Variants in CPLX2 observed in about 807,000 individuals in gnomAD.
CPLX2 encodes complexin-2.
In CPLX2, 5 loss-of-function variants were observed where a neutral mutation model predicts 16.3. The ratio of observed to expected loss-of-function variants is 0.31; its 90% CI spans 0.16 to 0.64. The LOEUF (loss-of-function observed/expected upper bound fraction) is 0.64, where lower values mean the gene tolerates loss of function less well. CPLX2 is among the 30% of genes least tolerant of loss of function. CPLX2 has a pLI of 0.79. For missense variants in CPLX2, 144 were observed against 181.4 expected (o/e 0.79, Z 1.18); for synonymous variants, 89 against 73.2 (o/e 1.22, Z -1.10).
At chr5:175,799,977 C>T (rs890345878) in intron 1 of CPLX2, among the ~76,000 whole-genome samples, 6 of 152,080 alleles carry the variant, frequency 3.9e-5, no homozygotes, top group Admixed American at 3.9e-4. Flanking sequence ...TGGATTTTTG[C>T]CAGCCCTGCT....
chr5:175,798,065 C>T (rs1191640784), intron 1 of CPLX2, among the ~76,000 whole-genome samples: 3 of 152,166 alleles, frequency 2.0e-5, no homozygotes, highest in East Asian at 3.9e-4. Flanking sequence ...GCCTAAAACC[C>T]GGGCTCTCTA....
chr5:175,882,941 G>A lies in CPLX2; in HGVS notation c.*2896G>A, dbSNP rs1755657332. The A allele has an allele frequency of 6.6e-6, 1 of 152,386 alleles. No individual in the cohort carries two copies. Among genetic ancestry groups the A allele is most frequent in the African/African-American group, 2.4e-5 (1 of 41,456 alleles). The allele number at this position is 152,386 out of a possible 1,614,324, so 9.4% of individuals were successfully genotyped here. ...AGAATCCTCACAGGATCGCCTGGGA[G>A]GTGAGGTGTGTGTGACCCACTGGAT... On this transcript the variant is annotated 3_prime_UTR_variant, in exon 4 of 4. Coordinates refer to ENST00000393745, the MANE Select transcript of CPLX2 (RefSeq NM_001008220.2).
intron 2 of CPLX2, among the ~76,000 whole-genome samples, chr5:175,811,028 G>A (rs909472154): frequency 6.6e-6 from 1 of 152,234 alleles, no homozygotes; most frequent in African/African-American, 2.4e-5. Context: ...CCAAGTTGAA[G>A]TCTAGCTGGC....
chr5:175,848,966 C>T (rs1252049504), intron 2 of CPLX2, among the ~76,000 whole-genome samples: 2 of 152,196 alleles, frequency 1.3e-5, no homozygotes, highest in Non-Finnish European at 2.9e-5. Context: ...GAGGAGACGG[C>T]TCAGTTTGCA....
At chr5:175,865,177 C>T (rs899316896) in intron 2 of CPLX2, among the ~76,000 whole-genome samples, 1 of 152,178 alleles carries the variant, frequency 6.6e-6, no homozygotes, top group African/African-American at 2.4e-5. Context: ...TTTCCTCGAC[C>T]AGAGGCCCCA....
intron 3 of CPLX2, among the ~76,000 whole-genome samples, chr5:175,879,490 C>T (rs1052191256): frequency 9.9e-5 from 15 of 152,184 alleles, no homozygotes; most frequent in Non-Finnish European, 2.9e-5. Context: ...TCTGTTAGTG[C>T]GTGCAATAAA....
chr5:175,855,012 G>A (rs1759227383), intron 2 of CPLX2, among the ~76,000 whole-genome samples: 1 of 152,224 alleles, frequency 6.6e-6, no homozygotes, highest in South Asian at 2.1e-4. Flanking sequence ...AAGTTCAGTG[G>A]AGCTCAGAAG....
chr5:175,844,908 G>C (rs1364887082), intron 2 of CPLX2, among the ~76,000 whole-genome samples: 1 of 152,228 alleles, frequency 6.6e-6, no homozygotes, highest in Non-Finnish European at 1.5e-5. Context: ...TGTATTTCTG[G>C]AAAGCACATT....
intron 1 of CPLX2, among the ~76,000 whole-genome samples, chr5:175,803,512 C>T (rs1581065335): frequency 6.6e-6 from 1 of 152,232 alleles, no homozygotes; most frequent in Middle Eastern, 3.4e-3. Flanking sequence ...ATGGGACAAG[C>T]GTGGAGGCAG....
intron 2 of CPLX2, among the ~76,000 whole-genome samples, chr5:175,834,227 C>T (rs1471834744): frequency 2.0e-5 from 3 of 152,194 alleles, no homozygotes; most frequent in Non-Finnish European, 4.4e-5. Flanking sequence ...ACCAACTGCA[C>T]AGAATTACTG....
At position 175,878,723 on chromosome 5, in the gene CPLX2, T is replaced by C. The variant is rs781099861; in HGVS notation, c.-17T>C. ...AATTCTGCCGTGGGCTAAGGCACGC[T>C]AACCAGAGCCGGCGGCATGGACTTC... On this transcript the variant is annotated 5_prime_UTR_variant, in exon 2 of 4. It removes the in-frame stop codon of an upstream open reading frame in the 5' UTR. Coordinates refer to ENST00000393745, the MANE Select transcript of CPLX2 (RefSeq NM_001008220.2). 2.5e-5 allele frequency: 41 copies of C among 1,612,850 alleles called. No individual in the cohort carries two copies. Among genetic ancestry groups the C allele is most frequent in the Middle Eastern group, 1.7e-4 (1 of 6,042 alleles).
At chr5:175,824,821 T>G (rs1758581151) in intron 2 of CPLX2, among the ~76,000 whole-genome samples, 2 of 152,172 alleles carry the variant, frequency 1.3e-5, no homozygotes, top group Admixed American at 1.3e-4. Flanking sequence ...AGCTGGGAAG[T>G]GAAGGATCAG....
intron 1 of CPLX2, 151 bp from the exon 2 acceptor site, chr5:175,878,501 A>T: frequency 1.7e-6 from 1 of 592,096 alleles, no homozygotes. Context: ...GCTCTCTTCC[A>T]TCTCCTTTCT....
At chr5:175,841,840 C>T (rs775380651) in intron 2 of CPLX2, among the ~76,000 whole-genome samples, 7 of 152,176 alleles carry the variant, frequency 4.6e-5, no homozygotes, top group African/African-American at 1.4e-4. Context: ...TCAAATTTCT[C>T]GGCAAAATGA....
chr5:175,842,651 G>A (rs1217588159), intron 2 of CPLX2, among the ~76,000 whole-genome samples: 2 of 152,210 alleles, frequency 1.3e-5, no homozygotes, highest in African/African-American at 4.8e-5. Flanking sequence ...CTCCTCCCCT[G>A]GCCCCAGCCA....
rs1268346628 is a variant in CPLX2, at chr5:175,809,917, GA to G, written c.-89+850del. On this transcript the variant is annotated intron_variant, in intron 2 of 4. Transcript: ENST00000359546. This position sits in a 1 kb window ranked among gnomAD's most constrained non-coding sequence, Gnocchi z 4.4. ...TATTTGCACAGAGAGAGTGTATGTGGATATAGAGATCGCTCGATCGCTATAG... is the reference window on the plus strand; with the variant it reads ...TATTTGCACAGAGAGAGTGTATGTGGTATAGAGATCGCTCGATCGCTATAG... Among the ~76,000 whole-genome samples, 1 of 152,226 alleles carries G rather than the reference GA, an allele frequency of 6.6e-6. No individual in the cohort carries two copies. Among genetic ancestry groups the G allele is most frequent in the African/African-American group, 2.4e-5 (1 of 41,450 alleles).
At chr5:175,799,047 G>A (rs1030937488) in intron 1 of CPLX2, among the ~76,000 whole-genome samples, 35 of 152,170 alleles carry the variant, frequency 2.3e-4, no homozygotes, top group African/African-American at 7.2e-4. Flanking sequence ...ATAGTGATGA[G>A]CCACATGCAT....
intron 1 of CPLX2, among the ~76,000 whole-genome samples, chr5:175,803,730 A>T (rs1423016071): frequency 6.6e-6 from 1 of 152,246 alleles, no homozygotes; most frequent in Non-Finnish European, 1.5e-5. Context: ...CACTTCCCTC[A>T]GTCACTCAGC....
intron 2 of CPLX2, among the ~76,000 whole-genome samples, chr5:175,829,367 C>T (rs1274880198): frequency 6.6e-6 from 1 of 152,150 alleles, no homozygotes; most frequent in African/African-American, 2.4e-5. Flanking sequence ...CCTGGGGTCG[C>T]GCAGAAGCTC....
Sources: allele counts gnomAD v4.1 joint callset (sites outside exome capture counted in the v4.1 genomes callset), GRCh38; gene constraint gnomAD v4.1.1; non-coding constraint Gnocchi (gnomAD v3.1); transcripts MANE v1.5; gene names NCBI Gene and HGNC (gene_info 2026-07-23, HGNC 2026-07-21).